The following DNPEP variants were observed in gnomAD, a reference collection of about 807,000 sequenced individuals.
DNPEP encodes the protein aspartyl aminopeptidase.
DNPEP carries 46 observed loss-of-function variants against 59.1 expected under a neutral mutation model. The observed-to-expected ratio is 0.78, with a 90% CI of 0.61 to 0.99. The LOEUF (loss-of-function observed/expected upper bound fraction) is 0.99. DNPEP is among the 50% of genes least tolerant of loss of function. DNPEP has a pLI of 0.00. For missense variants in DNPEP, 617 were observed against 649.9 expected, an observed-to-expected ratio of 0.95 and a Z score of 0.55; for synonymous variants, 229 against 242.2, an observed-to-expected ratio of 0.95 and a Z score of 0.50.
At chr2:219,398,771 CA>C (rs1294972120) in intron 1 of DNPEP, among the ~76,000 whole-genome samples, 1 of 152,196 alleles carries the variant, frequency 6.6e-6, no homozygotes, top group East Asian at 1.9e-4. Flanking sequence ...GGCAGGATGC[CA>C]GGGGGGTCTG....
At chr2:219,378,563 ATT>A (rs1953463410) in intron 13 of DNPEP, among the ~76,000 whole-genome samples, 1 of 152,200 alleles carries the variant, frequency 6.6e-6, no homozygotes, top group African/African-American at 2.4e-5. Flanking sequence ...ACCTGCTATG[ATT>A]GTCACTGGAC....
chr2:219,395,589 G>T (rs1954083497), intron 1 of DNPEP, among the ~76,000 whole-genome samples: 2 of 152,214 alleles, frequency 1.3e-5, no homozygotes, highest in South Asian at 4.1e-4. Flanking sequence ...GCTGTCAGGT[G>T]CATCTGCCAT....
rs1379175250 is a variant in DNPEP at position 219,372,863 on chromosome 2, A to G, written c.*1429T>C. Among the ~76,000 whole-genome samples the G allele has an allele frequency of 6.6e-6, 1 of 152,194 alleles. No individual in the cohort carries two copies. Among genetic ancestry groups the G allele is most frequent in the Admixed American group, 6.6e-5 (1 of 15,260 alleles). On this transcript the variant is annotated 3_prime_UTR_variant, in exon 15 of 15. Transcript: ENST00000273075. Reference sequence around the variant, plus strand: ...CTGAGAAATCTTTAGATGAATTCTAACTTTTTGCCATTGCTAAATTAAATT... The same window carrying G: ...CTGAGAAATCTTTAGATGAATTCTAGCTTTTTGCCATTGCTAAATTAAATT...
At position 219,387,683 on chromosome 2, in the gene DNPEP, G is replaced by C. The variant is rs73085230; in HGVS notation, c.36+76C>G. ...TCAGGCGGCCCCACTGCAGCACCGC[G>C]CTAAGCTTGGGCCCCGGAGGGCGCC... On this transcript the variant is annotated intron_variant, in intron 1 of 14. Transcript: ENST00000273075. 7 of 1,595,434 alleles carry C rather than the reference G, an allele frequency of 4.4e-6. No individual in the cohort carries two copies. The South Asian group carries it at 7.9e-5, about 18-fold the overall frequency.
chr2:219,399,456 G>A (rs992916698), intron 1 of DNPEP: 3 of 460,952 alleles, frequency 6.5e-6, no homozygotes, highest in Non-Finnish European at 1.3e-5. Context: ...CTCCTGATTT[G>A]GAAGATTTGG....
chr2:219,395,852 T>C (rs1403913940), intron 1 of DNPEP, among the ~76,000 whole-genome samples: 1 of 152,216 alleles, frequency 6.6e-6, no homozygotes, highest in Non-Finnish European at 1.5e-5. Flanking sequence ...GGAAGTAACC[T>C]GCTGGCCTGT....
chr2:219,387,008 A>C (rs779025948), intron 2 of DNPEP, 28 bp from the exon 3 acceptor site: 16 of 1,613,790 alleles, frequency 9.9e-6, no homozygotes, highest in Middle Eastern at 1.7e-4. Flanking sequence ...TCTCACAGCG[A>C]TGGAAGCTGG....
intron 8 of DNPEP, 58 bp from the exon 9 acceptor site, chr2:219,384,501 T>G: frequency 6.8e-7 from 1 of 1,474,156 alleles, no homozygotes; most frequent in Non-Finnish European, 9.3e-7. Flanking sequence ...TCACCTTTCT[T>G]TTGCTCCCAA....
At chr2:219,378,338 C>T (rs1363993602) in intron 13 of DNPEP, among the ~76,000 whole-genome samples, 4 of 152,216 alleles carry the variant, frequency 2.6e-5, no homozygotes, top group Non-Finnish European at 5.9e-5. Context: ...AAAAGACGAG[C>T]TCATTCCTGG....
In DNPEP at chr2:219,384,396, G is replaced by A; in HGVS notation, c.822C>T (p.Asp274=). ...YDEFIFAPRL[D]NLHSCFCALQ... ...GGGCACAGAAGCAGCTGTGCAGATT[G>A]TCCAGCCGAGGAGCAAAGATGAACT... The change falls in exon 9 of 15, where the codon GAC becomes GAT. Residue 274 remains aspartate, a synonymous_variant. Transcript: ENST00000273075. 1.2e-6 allele frequency: 2 copies of A among 1,611,694 alleles called. No homozygotes were observed. Among genetic ancestry groups the A allele is most frequent in the Non-Finnish European group, 8.5e-7 (1 of 1,178,952 alleles).
At chr2:219,391,406 C>T (rs1481963684), upstream of DNPEP, among the ~76,000 whole-genome samples, 2 of 152,048 alleles carry the variant, frequency 1.3e-5, no homozygotes, top group Non-Finnish European at 2.9e-5. Context: ...AAGAGCTGTG[C>T]GGAAGCATGC....
chr2:219,395,145 A>G (rs969868580), intron 1 of DNPEP, among the ~76,000 whole-genome samples: 12 of 152,060 alleles, frequency 7.9e-5, no homozygotes, highest in African/African-American at 2.9e-4. Context: ...ACAGGGTTTC[A>G]CTATGTTGGC....
chr2:219,390,689 A>G (rs1186531409), upstream of DNPEP, among the ~76,000 whole-genome samples: 1 of 152,158 alleles, frequency 6.6e-6, no homozygotes. Context: ...AATTAGCTGG[A>G]CATGGTGGTG....
chr2:219,386,396 G>A lies in DNPEP; in HGVS notation c.349C>T (p.Arg117Cys), dbSNP rs763581929. The A allele has an allele frequency of 1.2e-5, 19 of 1,614,078 alleles. No individual in the cohort carries two copies. The Admixed American group carries it at 1.8e-4, about 16-fold the overall frequency. Residue 117 changes from arginine to cysteine, a missense_variant, in exon 5 of 15, where the codon CGC (arginine) becomes TGC (cysteine). Transcript: ENST00000273075. ...TGCTGGAAGCCCACCTGGCTGCGGC[G>A]AGACCGACGTTTCACCTGAGTGTAA... ...SPCLRVKRRS[R>C]RSQVGFQQVG...
At chr2:219,379,863 A>G (rs1953517203) in intron 13 of DNPEP, among the ~76,000 whole-genome samples, 1 of 152,166 alleles carries the variant, frequency 6.6e-6, no homozygotes, top group Admixed American at 6.5e-5. Context: ...GGTTGCAGTG[A>G]GCCGAGATCG....
At chr2:219,374,427 TC>T in intron 14 of DNPEP, 85 bp from the exon 15 acceptor site, 1 of 1,277,968 alleles carries the variant, frequency 7.8e-7, no homozygotes, top group Non-Finnish European at 1.1e-6. Context: ...CAACATATGT[TC>T]CAGCAAGAGA....
intron 8 of DNPEP, 128 bp from the exon 9 acceptor site, chr2:219,384,571 T>C (rs1953731222): frequency 1.8e-6 from 1 of 545,924 alleles, no homozygotes; most frequent in Admixed American, 5.1e-5. Flanking sequence ...CACTATTTTG[T>C]TTTTTCTTTT....
At chr2:219,378,403 C>T (rs912532454) in intron 13 of DNPEP, among the ~76,000 whole-genome samples, 5 of 152,216 alleles carry the variant, frequency 3.3e-5, no homozygotes, top group Non-Finnish European at 7.3e-5. Flanking sequence ...CCCATAGCTG[C>T]CTATTTCTCA....
At chr2:219,376,185 A>G (rs183226097) in intron 13 of DNPEP, among the ~76,000 whole-genome samples, 181 of 152,294 alleles carry the variant, frequency 1.2e-3, no homozygotes, top group African/African-American at 4.3e-3. Context: ...TGATTCTAAG[A>G]TAGTCAGAAA....
Sources: allele counts gnomAD v4.1 joint callset (sites outside exome capture counted in the v4.1 genomes callset), GRCh38; gene constraint gnomAD v4.1.1; transcripts MANE v1.5; gene names NCBI Gene and HGNC (gene_info 2026-07-23, HGNC 2026-07-21).